Variants in ITGB8 observed in about 807,000 individuals in gnomAD.
ITGB8 encodes integrin subunit beta 8, also known as integrin beta-8.
In ITGB8, 30 loss-of-function variants were observed where a neutral mutation model predicts 89.5. The observed-to-expected ratio is 0.34, with a 90% CI of 0.25 to 0.45. The LOEUF is 0.45. Ranked by LOEUF, ITGB8 falls within the 20% of genes least tolerant of loss-of-function variation. ITGB8 has a pLI of 1.00. For synonymous variants in ITGB8, 335 were observed against 320.4 expected (o/e 1.05, Z -0.49); for missense variants, 836 against 933.3 (o/e 0.90, Z 1.36).
intron 2 of ITGB8, chr7:20,366,290 C>G (rs989456105): frequency 6.6e-6 from 1 of 152,016 alleles, no homozygotes; most frequent in African/African-American, 2.4e-5. Flanking sequence ...GTTATACTTT[C>G]ACAGCATATA....
intron 1 of ITGB8, among the ~76,000 whole-genome samples, chr7:20,347,785 A>G (rs1784978681): frequency 6.6e-6 from 1 of 152,172 alleles, no homozygotes; most frequent in African/African-American, 2.4e-5. Flanking sequence ...GGTCATGTTC[A>G]AGGAAGTGAG....
intron 3 of ITGB8, among the ~76,000 whole-genome samples, chr7:20,376,945 C>T (rs1786173519): frequency 6.6e-6 from 1 of 152,242 alleles, no homozygotes; most frequent in Non-Finnish European, 1.5e-5. Flanking sequence ...CACACTCTCA[C>T]ACCCCAACCA....
At chr7:20,397,150 G>A (rs1461074480) in intron 8 of ITGB8, among the ~76,000 whole-genome samples, 1 of 151,888 alleles carries the variant, frequency 6.6e-6, no homozygotes, top group East Asian at 1.9e-4. Context: ...CCCAAACTGG[G>A]CAAAATTTTA....
In ITGB8 at chr7:20,402,103, A is replaced by G. The variant is rs752824831; in HGVS notation, c.1664A>G (p.Tyr555Cys). The G allele has an allele frequency of 1.2e-6, 2 of 1,612,862 alleles. No individual in the cohort carries two copies. Among genetic ancestry groups the G allele is most frequent in the East Asian group, 2.2e-5 (1 of 44,874 alleles). Residue 555 changes from tyrosine (Y) to cysteine (C), a missense_variant, in exon 10 of 14, where the codon TAT (tyrosine) becomes TGT (cysteine). Physicochemically the swap from Tyr to Cys is radical, Grantham distance 194 (BLOSUM62 -2). Transcript: ENST00000222573. ...YCEKDDFSCP[Y>C]HHGNLCAGHG... is the part of the protein sequence containing the mutation. Reference sequence around the variant, plus strand: ...GAAAAGGATGACTTTTCTTGTCCATATCACCATGGAAATCTGTGTGCTGGT... The same window carrying G: ...GAAAAGGATGACTTTTCTTGTCCATGTCACCATGGAAATCTGTGTGCTGGT...
intron 3 of ITGB8, among the ~76,000 whole-genome samples, chr7:20,368,540 A>T (rs1319934764): frequency 6.6e-6 from 1 of 152,050 alleles, no homozygotes; most frequent in Non-Finnish European, 1.5e-5. Flanking sequence ...TTTTTTGTGT[A>T]ATTTGTGTCT....
At chr7:20,388,346 T>C (rs933377687) in intron 6 of ITGB8, among the ~76,000 whole-genome samples, 49 of 152,222 alleles carry the variant, frequency 3.2e-4, no homozygotes, top group African/African-American at 1.1e-3. Context: ...AGCAGTGATG[T>C]CACCAGAACA....
At chr7:20,391,258 T>A in intron 6 of ITGB8, 145 bp from the exon 7 acceptor site, 1 of 427,024 alleles carries the variant, frequency 2.3e-6, no homozygotes, top group Non-Finnish European at 4.2e-6. Flanking sequence ...TGTTATGTTT[T>A]CAAAAATTTA....
intron 1 of ITGB8, chr7:20,352,822 C>T (rs925836197): frequency 7.2e-5 from 11 of 152,158 alleles, no homozygotes; most frequent in African/African-American, 1.9e-4. Context: ...CGTCTTGCAC[C>T]GGTACAATTA....
chr7:20,346,498 G>A (rs756192690), intron 1 of ITGB8: 1 of 153,844 alleles, frequency 6.5e-6, no homozygotes, highest in Non-Finnish European at 1.4e-5. Context: ...AGGGATAAGT[G>A]AGATTAGTCT....
Position 20,398,722 on chromosome 7 carries a change from T to C in ITGB8, c.1147-138T>C, listed in dbSNP as rs925998080. 3 of 512,378 alleles carry C rather than the reference T, an allele frequency of 5.9e-6. No homozygotes were observed. The South Asian group carries it at 2.4e-4, about 40-fold the overall frequency. 31.7% of individuals were successfully genotyped at this position (512,378 alleles called of 1,614,324 possible). On this transcript the variant is annotated intron_variant, in intron 8 of 13. Transcript: ENST00000222573. The stretch of plus-strand genomic sequence containing the variant: ...TGGGTCATTATGTGGAAACACTGTT[T>C]TTATTCATCCTTTTATAGAAACAGA...
intron 6 of ITGB8, among the ~76,000 whole-genome samples, chr7:20,384,790 A>T (rs1786537240): frequency 6.6e-6 from 1 of 152,190 alleles, no homozygotes. Context: ...AGATGATTTG[A>T]CTTGCATAAG....
chr7:20,356,689 A>G (rs1219954386), intron 1 of ITGB8, among the ~76,000 whole-genome samples: 2 of 152,236 alleles, frequency 1.3e-5, no homozygotes, highest in Admixed American at 1.3e-4. Context: ...AATATCAAGT[A>G]CTACAGTCTT....
Position 20,342,683 on chromosome 7 carries a change from T to A in ITGB8, c.127+10750T>A, listed in dbSNP as rs567286465. On this transcript the variant is annotated intron_variant, in intron 1 of 13. Transcript: ENST00000222573. ...TGGCAAAAGATTTTTCATTCATTTT[T>A]TTTTTTTTGGAATTATTGGTGTGCA... Among the ~76,000 whole-genome samples the A allele has an allele frequency of 2.0e-5, 3 of 152,294 alleles. No homozygotes were observed. The East Asian group carries it at 5.8e-4, about 29-fold the overall frequency.
At chr7:20,355,223 C>G (rs1785251705) in intron 1 of ITGB8, among the ~76,000 whole-genome samples, 2 of 152,128 alleles carry the variant, frequency 1.3e-5, no homozygotes, top group Admixed American at 1.3e-4. Flanking sequence ...AAAACAGGCC[C>G]CAGGCTCCCA....
chr7:20,394,300 G>A (rs1224842074), intron 7 of ITGB8, among the ~76,000 whole-genome samples: 3 of 152,046 alleles, frequency 2.0e-5, no homozygotes, highest in Admixed American at 2.0e-4. Context: ...GACCTTTAAA[G>A]CCTTTGCTCA....
intron 7 of ITGB8, among the ~76,000 whole-genome samples, chr7:20,392,873 T>C (rs1341567368): frequency 6.6e-6 from 1 of 152,208 alleles, no homozygotes; most frequent in Admixed American, 6.5e-5. Flanking sequence ...AACTAACATC[T>C]GCAGAAGTAG....
chr7:20,332,020 C>A, intron 1 of ITGB8, 87 bp downstream of exon 1: 1 of 1,537,004 alleles, frequency 6.5e-7, no homozygotes. Flanking sequence ...AGCATCCCGG[C>A]CAGGTAAGTT....
At chr7:20,397,382 C>T (rs7805694) in intron 8 of ITGB8, among the ~76,000 whole-genome samples, 98,480 of 152,030 alleles carry the variant, frequency 0.65, 32,608 homozygotes, top group East Asian at 0.99. Flanking sequence ...GTATCACGCA[C>T]ACCCGGCTAA....
At chr7:20,393,961 T>TATTTTTCCA (rs1225928606) in intron 7 of ITGB8, among the ~76,000 whole-genome samples, 1 of 152,196 alleles carries the variant, frequency 6.6e-6, no homozygotes, top group Non-Finnish European at 1.5e-5. Context: ...AAATTGTCAT[T>TATTTTTCCA]TATATGCTTG....
Sources: gnomAD v4.1 joint callset for allele counts (sites outside exome capture counted in the v4.1 genomes callset) on GRCh38, gnomAD v4.1.1 for gene constraint, MANE v1.5 for transcripts, NCBI Gene and HGNC (gene_info 2026-07-23, HGNC 2026-07-21) for gene names.